The following KIFAP3 variants were observed in gnomAD, a reference collection of about 807,000 sequenced individuals.
KIFAP3 encodes the protein kinesin-associated protein 3.
A neutral mutation model predicts 106.5 loss-of-function variants in KIFAP3; 68 were observed. The ratio of observed to expected loss-of-function variants is 0.64; its 90% CI spans 0.53 to 0.78. The LOEUF (loss-of-function observed/expected upper bound fraction) is 0.78. KIFAP3 is among the 30% of genes least tolerant of loss of function. The pLI is 0.00. For synonymous variants in KIFAP3, 320 were observed against 311.5 expected, an observed-to-expected ratio of 1.03 and a Z score of -0.29; for missense variants, 780 against 941.8, an observed-to-expected ratio of 0.83 and a Z score of 2.25.
At chr1:169,989,102 G>A (rs1031749937) in intron 11 of KIFAP3, among the ~76,000 whole-genome samples, 2 of 151,840 alleles carry the variant, frequency 1.3e-5, no homozygotes, top group Admixed American at 6.6e-5. Context: ...AAATATGCAC[G>A]GATATTGCTC....
chr1:169,941,498 T>C (rs1413889606), intron 19 of KIFAP3, among the ~76,000 whole-genome samples: 4 of 150,966 alleles, frequency 2.6e-5, no homozygotes, highest in Non-Finnish European at 5.9e-5. Flanking sequence ...CTCAACATTT[T>C]GATTTTTATG....
At chr1:170,018,752 T>C (rs1019300926) in intron 9 of KIFAP3, among the ~76,000 whole-genome samples, 1 of 152,138 alleles carries the variant, frequency 6.6e-6, no homozygotes, top group African/African-American at 2.4e-5. Context: ...GCCCTTGATA[T>C]ACTTTTTTCC....
intron 19 of KIFAP3, among the ~76,000 whole-genome samples, chr1:169,949,700 C>T (rs755729574): frequency 6.6e-6 from 1 of 152,112 alleles, no homozygotes; most frequent in Non-Finnish European, 1.5e-5. Context: ...TTCCACTTTA[C>T]TTTCTAACAC....
At chr1:170,000,390 T>G (rs1453445739) in intron 10 of KIFAP3, among the ~76,000 whole-genome samples, 3 of 152,138 alleles carry the variant, frequency 2.0e-5, no homozygotes, top group Non-Finnish European at 4.4e-5. Flanking sequence ...TAGAATAGCA[T>G]TAAGGTGATA....
rs1298469444 is a variant in KIFAP3 at position 169,921,692 on chromosome 1, T to TA, written c.2362dup (p.Tyr788LeufsTer18). ...GATACTTTATCAAGATCCATAGCCA[T>TA]AGTAGTAAGGTTCATCAGGGCGGAA... On this transcript the variant is annotated frameshift_variant, in exon 20 of 20. Transcript: ENST00000361580. LOFTEE classifies it high-confidence loss of function. 1 of 1,612,454 alleles carries TA rather than the reference T, an allele frequency of 6.2e-7. No individual in the cohort carries two copies. Among genetic ancestry groups the TA allele is most frequent in the East Asian group, 2.2e-5 (1 of 44,862 alleles).
intron 18 of KIFAP3, among the ~76,000 whole-genome samples, chr1:169,955,862 A>G (rs1241654201): frequency 6.6e-6 from 1 of 152,152 alleles, no homozygotes; most frequent in African/African-American, 2.4e-5. Flanking sequence ...CAAAAAGACC[A>G]GCTAAACACT....
In KIFAP3 at chr1:170,035,523, A is replaced by G; in HGVS notation, c.548T>C (p.Leu183Pro). 1 of 1,609,558 alleles carries G rather than the reference A, an allele frequency of 6.2e-7. No individual in the cohort carries two copies. The highest frequency in any genetic ancestry group is 8.5e-7 in the Non-Finnish European group (1 of 1,177,650). ...ETALGALARV[L>P]REDWKQSVEL... Reference sequence around the variant, plus strand: ...GACACTTTGCTTCCAGTCTTCTCTCAGGACCCTTGCTAATGCACCAAGGGC... The same window carrying G: ...GACACTTTGCTTCCAGTCTTCTCTCGGGACCCTTGCTAATGCACCAAGGGC... Residue 183 changes from leucine (L) to proline (P), a missense_variant, in exon 6 of 20, where the codon CTG becomes CCG. Physicochemically the swap from Leu to Pro is moderately conservative, Grantham distance 98 (BLOSUM62 -3). Transcript: ENST00000361580.
At chr1:170,069,497 C>T (rs1260330062) in intron 1 of KIFAP3, among the ~76,000 whole-genome samples, 1 of 151,872 alleles carries the variant, frequency 6.6e-6, no homozygotes, top group Non-Finnish European at 1.5e-5. Context: ...ATTAAAAGGA[C>T]CACGCAACAT....
At chr1:170,082,647 TAGTA>T (rs1356773678) in intron 1 of KIFAP3, among the ~76,000 whole-genome samples, 2 of 152,184 alleles carry the variant, frequency 1.3e-5, no homozygotes, top group East Asian at 3.9e-4. Context: ...AGGAAAAAAG[TAGTA>T]AGCCAAATGG....
intron 15 of KIFAP3, among the ~76,000 whole-genome samples, chr1:169,979,860 C>G (rs116189121): frequency 2.0e-5 from 3 of 152,190 alleles, no homozygotes; most frequent in South Asian, 2.1e-4. Flanking sequence ...TCCTCCCCCC[C>G]ACAAAAACCT....
chr1:169,961,775 G>A (rs1220551414), intron 17 of KIFAP3, among the ~76,000 whole-genome samples: 1 of 152,002 alleles, frequency 6.6e-6, no homozygotes, highest in African/African-American at 2.4e-5. Flanking sequence ...TTTTCCTTAT[G>A]ATTTTCTTAA....
intron 8 of KIFAP3, among the ~76,000 whole-genome samples, chr1:170,025,887 T>G (rs1176942834): frequency 6.6e-6 from 1 of 152,176 alleles, no homozygotes; most frequent in Non-Finnish European, 1.5e-5. Flanking sequence ...ATACTGTCCT[T>G]CTAAAATTTA....
chr1:169,936,212 G>GA (rs368105004), intron 19 of KIFAP3, among the ~76,000 whole-genome samples: 8 of 150,274 alleles, frequency 5.3e-5, no homozygotes, highest in Non-Finnish European at 7.4e-5. Flanking sequence ...TGTTCCCTTG[G>GA]AACATTTTAC....
At chr1:169,939,995 T>G (rs1316141170) in intron 19 of KIFAP3, among the ~76,000 whole-genome samples, 1 of 152,216 alleles carries the variant, frequency 6.6e-6, no homozygotes, top group African/African-American at 2.4e-5. Flanking sequence ...AGTTTAACTT[T>G]GCAGATTCTG....
rs80018986 is a variant in KIFAP3, at chr1:170,017,918, G to T, written c.1021-1294C>A. On this transcript the variant is annotated intron_variant, in intron 9 of 19. Transcript: ENST00000361580. ...AATTTTTGTCATTTAATTTGAGATG[G>T]TACTCAGTGAATATTTAAAAATCAT... Among the ~76,000 whole-genome samples the T allele has an allele frequency of 7.6e-3, 1,157 of 152,258 alleles. 15 individuals carry two copies. Among genetic ancestry groups the T allele is most frequent in the Middle Eastern group, 0.044 (13 of 294 alleles).
intron 6 of KIFAP3, 30 bp downstream of exon 6, chr1:170,035,423 AG>A (rs1669637410): frequency 7.4e-7 from 1 of 1,347,540 alleles, no homozygotes; most frequent in African/African-American, 1.5e-5. Flanking sequence ...GAGATACAGT[AG>A]CCTTTTTATT....
intron 13 of KIFAP3, 58 bp downstream of exon 13, chr1:169,983,212 C>A (rs1344507109): frequency 2.0e-6 from 2 of 978,202 alleles, no homozygotes; most frequent in Non-Finnish European, 3.1e-6. Context: ...GCTGTATTTC[C>A]AAATGTAGCA....
upstream of KIFAP3, among the ~76,000 whole-genome samples, chr1:170,079,015 A>G (rs569332002): frequency 2.0e-5 from 3 of 152,218 alleles, no homozygotes; most frequent in African/African-American, 4.8e-5. Context: ...TTAATTTGCC[A>G]TATTGCTATA....
chr1:170,056,425 T>A (rs1394566274), intron 1 of KIFAP3, among the ~76,000 whole-genome samples: 1 of 152,204 alleles, frequency 6.6e-6, no homozygotes, highest in Non-Finnish European at 1.5e-5. Context: ...AAACCAATGA[T>A]GAATTAATCA....
Sources: gnomAD v4.1 joint callset for allele counts (sites outside exome capture counted in the v4.1 genomes callset) on GRCh38, gnomAD v4.1.1 for gene constraint, MANE v1.5 for transcripts, NCBI Gene and HGNC (gene_info 2026-07-23, HGNC 2026-07-21) for gene names.